The following HMBOX1 variants were observed in gnomAD, a reference collection of about 807,000 sequenced individuals.
HMBOX1 encodes the protein homeobox-containing protein 1.
Under a neutral mutation model 54.5 loss-of-function variants are expected in HMBOX1, and 14 were observed. The ratio of observed to expected loss-of-function variants is 0.26; its 90% CI spans 0.17 to 0.40. The LOEUF (loss-of-function observed/expected upper bound fraction) is 0.40. Ranked by LOEUF, HMBOX1 falls within the 10% of genes least tolerant of loss-of-function variation. The pLI, the probability that HMBOX1 is intolerant of heterozygous loss-of-function variation, is 1.00. For synonymous variants in HMBOX1, 160 were observed against 181.0 expected, an observed-to-expected ratio of 0.88 and a Z score of 0.93; for missense variants, 332 against 514.4, an observed-to-expected ratio of 0.65 and a Z score of 3.43.
intron 4 of HMBOX1, among the ~76,000 whole-genome samples, chr8:28,989,832 A>G (rs1277849377): frequency 1.3e-5 from 2 of 152,192 alleles, no homozygotes; most frequent in Non-Finnish European, 2.9e-5. Flanking sequence ...TTAGTCTATG[A>G]ACATAGTTTG....
intron 5 of HMBOX1, among the ~76,000 whole-genome samples, chr8:29,015,308 C>CTAGG (rs1834838930): frequency 6.6e-6 from 1 of 152,156 alleles, no homozygotes; most frequent in Non-Finnish European, 1.5e-5. Flanking sequence ...GGCCTACTAC[C>CTAGG]TGGAATTCAC....
intron 2 of HMBOX1, among the ~76,000 whole-genome samples, chr8:28,966,632 T>C (rs1165202617): frequency 6.6e-6 from 1 of 152,120 alleles, no homozygotes; most frequent in Admixed American, 6.6e-5. Flanking sequence ...AATGCCGGAG[T>C]ATATGCCTTT....
chr8:28,893,007 C>A (rs976946134), intron 1 of HMBOX1, among the ~76,000 whole-genome samples: 1 of 152,090 alleles, frequency 6.6e-6, no homozygotes, highest in Non-Finnish European at 1.5e-5. Context: ...AAAAAACCAA[C>A]ATGTTTGTTA....
chr8:28,926,165 G>A (rs975382565), intron 1 of HMBOX1, among the ~76,000 whole-genome samples: 1 of 152,048 alleles, frequency 6.6e-6, no homozygotes, highest in African/African-American at 2.4e-5. Flanking sequence ...AGCCGGGCAT[G>A]GTGGCGTATG....
rs1038865651 is a variant in HMBOX1 at position 29,009,812 on chromosome 8, A to G, written c.697+630A>G. 5 of 1,242,412 alleles carry G rather than the reference A, an allele frequency of 4.0e-6. No homozygotes were observed. In the Admixed American group the frequency reaches 9.0e-5, roughly 22 times the overall value. 77.0% of individuals were successfully genotyped at this position (1,242,412 alleles called of 1,614,324 possible). On this transcript the variant is annotated intron_variant, in intron 5 of 9. Transcript: ENST00000287701. ...AAGAAGTAGGCAAGATCTATTCAAG[A>G]TACTAACAGGTGATTTTATAAAGTG...
chr8:28,988,785 CTTAT>C (rs1212512379), intron 4 of HMBOX1, among the ~76,000 whole-genome samples: 2 of 151,750 alleles, frequency 1.3e-5, no homozygotes, highest in Non-Finnish European at 2.9e-5. Flanking sequence ...GGTTGTTTGC[CTTAT>C]TTATTATAAG....
chr8:29,051,622 CAAAG>C lies in HMBOX1; in HGVS notation c.*468_*471del. On this transcript the variant is annotated 3_prime_UTR_variant, in exon 10 of 10. Transcript: ENST00000287701. ...ACCATTTGGGGAGTATCCACAGAGTCAAAGGAACACTAGAATCCCCACCTCAGCG... is the reference window on the plus strand; with the variant it reads ...ACCATTTGGGGAGTATCCACAGAGTCGAACACTAGAATCCCCACCTCAGCG... 2.8e-6 allele frequency: 2 copies of C among 702,822 alleles called. No homozygotes were observed. Among genetic ancestry groups the C allele is most frequent in the South Asian group, 3.0e-5 (2 of 67,580 alleles). 43.5% of individuals were successfully genotyped at this position (702,822 alleles called of 1,614,324 possible). A position where few individuals can be genotyped will look rare whatever the true frequency, so the allele number is the denominator to read the frequency against.
At chr8:28,897,556 C>T (rs1812394317) in intron 1 of HMBOX1, among the ~76,000 whole-genome samples, 1 of 152,022 alleles carries the variant, frequency 6.6e-6, no homozygotes, top group South Asian at 2.1e-4. Context: ...CACACCTGTA[C>T]TCCCAGCTAC....
Position 28,963,842 on chromosome 8 carries a change from G to C in HMBOX1, c.-26G>C. On this transcript the variant is annotated 5_prime_UTR_variant, in exon 2 of 10. Transcript: ENST00000287701. ...AGATAACGCAGATCATCTCTGGAAA[G>C]GATATTGATCCGCCTCATGTAAAGT... 6.3e-7 allele frequency: 1 copy of C among 1,584,452 alleles called. No individual in the cohort carries two copies. The highest frequency in any genetic ancestry group is 8.6e-7 in the Non-Finnish European group (1 of 1,159,422).
intron 1 of HMBOX1, among the ~76,000 whole-genome samples, chr8:28,905,653 A>G (rs1172057872): frequency 6.6e-6 from 1 of 152,218 alleles, no homozygotes; most frequent in African/African-American, 2.4e-5. Context: ...GGTTCCTTTC[A>G]TGAAATGTAC....
intron 6 of HMBOX1, among the ~76,000 whole-genome samples, chr8:29,020,708 G>A (rs1801016217): frequency 6.6e-6 from 1 of 152,090 alleles, no homozygotes; most frequent in African/African-American, 2.4e-5. Flanking sequence ...AGTACAGAAG[G>A]TCACACAGTA....
chr8:29,017,355 A>G (rs559552858), intron 5 of HMBOX1, among the ~76,000 whole-genome samples: 194 of 152,338 alleles, frequency 1.3e-3, no homozygotes, highest in Non-Finnish European at 2.2e-3. Context: ...TTCTTGCTCA[A>G]CAACCTGTCA....
At chr8:29,039,221 A>G (rs936584429) in intron 6 of HMBOX1, among the ~76,000 whole-genome samples, 1 of 152,194 alleles carries the variant, frequency 6.6e-6, no homozygotes, top group Non-Finnish European at 1.5e-5. Context: ...CTTTGCCACC[A>G]TTTAGCCAAT....
At chr8:28,978,901 A>C (rs1828890663) in intron 3 of HMBOX1, among the ~76,000 whole-genome samples, 1 of 152,218 alleles carries the variant, frequency 6.6e-6, no homozygotes, top group Non-Finnish European at 1.5e-5. Flanking sequence ...AATTGGGTAC[A>C]GTTTTTAAAA....
chr8:28,997,429 A>G (rs1832027668), intron 4 of HMBOX1, among the ~76,000 whole-genome samples: 1 of 152,150 alleles, frequency 6.6e-6, no homozygotes, highest in African/African-American at 2.4e-5. Flanking sequence ...AAACCTTGCT[A>G]TCCTGAGATG....
chr8:29,050,987 C>G (rs1381353542), intron 9 of HMBOX1, 31 bp from the exon 10 acceptor site: 3 of 1,602,056 alleles, frequency 1.9e-6, no homozygotes, highest in Non-Finnish European at 2.6e-6. Context: ...TTCCAATCCA[C>G]TAATAACATT....
Position 29,051,866 on chromosome 8 carries a change from G to T in HMBOX1, c.*711G>T. 6 of 238,144 alleles carry T rather than the reference G, an allele frequency of 2.5e-5. No homozygotes were observed. The highest frequency in any genetic ancestry group is 4.5e-5 in the Non-Finnish European group (6 of 132,366). 14.8% of individuals were successfully genotyped at this position (238,144 alleles called of 1,614,324 possible). A position where few individuals can be genotyped will look rare whatever the true frequency, so the allele number is the denominator to read the frequency against. On this transcript the variant is annotated 3_prime_UTR_variant, in exon 10 of 10. Transcript: ENST00000287701. ...TACTGCCTTCTGCCTTTGGGACCAT[G>T]ATTAAAAACAAAGACAAAAACCAAA...
chr8:28,954,246 A>G (rs1398768866), intron 1 of HMBOX1, among the ~76,000 whole-genome samples: 2 of 152,098 alleles, frequency 1.3e-5, no homozygotes, highest in Non-Finnish European at 2.9e-5. Context: ...GATATTTTAG[A>G]TGGGTAAAAT....
intron 4 of HMBOX1, among the ~76,000 whole-genome samples, chr8:28,998,481 G>A (rs1832178501): frequency 1.3e-5 from 2 of 151,918 alleles, no homozygotes; most frequent in African/African-American, 4.8e-5. Context: ...TTCTCATTTG[G>A]TTATTTTTAT....
Sources: gnomAD v4.1 joint callset for allele counts (sites outside exome capture counted in the v4.1 genomes callset) on GRCh38, gnomAD v4.1.1 for gene constraint, MANE v1.5 for transcripts, NCBI Gene and HGNC (gene_info 2026-07-23, HGNC 2026-07-21) for gene names.